Variants in CD48 observed in about 807,000 individuals in gnomAD.
CD48 encodes CD48 molecule, also known as CD48 antigen.
A neutral mutation model predicts 22.0 loss-of-function variants in CD48; 20 were observed. The observed-to-expected ratio is 0.91, with a 90% CI of 0.64 to 1.32. CD48 has a LOEUF of 1.32. CD48 is among the 40% of genes most tolerant of loss of function. The pLI is 0.00. For missense variants in CD48, 307 were observed against 286.5 expected (o/e 1.07, Z -0.52); for synonymous variants, 110 against 110.1 (o/e 1.00, Z 0.01).
intron 1 of CD48, among the ~76,000 whole-genome samples, chr1:160,694,793 C>T (rs994307811): frequency 1.3e-5 from 2 of 152,024 alleles, no homozygotes; most frequent in African/African-American, 4.8e-5. Context: ...AAACCCATAC[C>T]GTTAACTTGG....
At chr1:160,690,922 C>A (rs963511873) in intron 1 of CD48, among the ~76,000 whole-genome samples, 1 of 152,176 alleles carries the variant, frequency 6.6e-6, no homozygotes, top group Non-Finnish European at 1.5e-5. Context: ...TTACCCCCAA[C>A]CCCGTGCTCT....
chr1:160,699,788 T>C (rs1002028118), intron 1 of CD48: 1 of 151,850 alleles, frequency 6.6e-6, no homozygotes, highest in Non-Finnish European at 1.5e-5. Context: ...CTCCCCACTA[T>C]TGTCTTGTGA....
chr1:160,711,690 C>G lies in CD48; in HGVS notation c.74G>C (p.Ser25Thr). The change falls in exon 1 of 4, where the codon AGC (serine) becomes ACC (threonine). Residue 25 changes from serine (S) to threonine (T), a missense_variant. Coordinates refer to ENST00000368046, the MANE Select transcript of CD48 (RefSeq NM_001778.4). ...CAGTTGGTGGAAAGTACCTTGAATGCTGGTCACCAGGAGTGACAGAGGCAG... is the reference window on the plus strand; with the variant it reads ...CAGTTGGTGGAAAGTACCTTGAATGGTGGTCACCAGGAGTGACAGAGGCAG... Reference protein sequence around the residue: ...LLLPLSLLVTSIQGHLVHMTV... With the variant: ...LLLPLSLLVTTIQGHLVHMTV... 1 of 1,609,896 alleles carries G rather than the reference C, an allele frequency of 6.2e-7. No individual in the cohort carries two copies. Among genetic ancestry groups the G allele is most frequent in the South Asian group, 1.1e-5 (1 of 91,006 alleles).
At chr1:160,702,764 C>A (rs966496515) in intron 1 of CD48, among the ~76,000 whole-genome samples, 4 of 152,114 alleles carry the variant, frequency 2.6e-5, no homozygotes, top group African/African-American at 9.7e-5. Context: ...GTATCTGATC[C>A]AATGCCTTCA....
chr1:160,681,693 C>T (rs1434152023), intron 2 of CD48, among the ~76,000 whole-genome samples: 2 of 152,146 alleles, frequency 1.3e-5, no homozygotes, highest in African/African-American at 2.4e-5. Context: ...AAGCTGCGTC[C>T]TGGAGGGGGC....
At chr1:160,681,800 A>T (rs1396675056) in intron 2 of CD48, among the ~76,000 whole-genome samples, 2 of 152,196 alleles carry the variant, frequency 1.3e-5, no homozygotes, top group African/African-American at 4.8e-5. Context: ...CAGACTTAGT[A>T]TATCAACTGC....
intron 2 of CD48, among the ~76,000 whole-genome samples, chr1:160,681,755 G>T (rs1661813186): frequency 6.6e-6 from 1 of 152,192 alleles, no homozygotes; most frequent in Admixed American, 6.5e-5. Flanking sequence ...GATCGTGTGT[G>T]AGCCTGAACG....
intron 1 of CD48, among the ~76,000 whole-genome samples, chr1:160,689,550 GA>G (rs751499336): frequency 1.3e-5 from 2 of 152,176 alleles, no homozygotes; most frequent in African/African-American, 2.4e-5. Context: ...GAAATGGTGA[GA>G]TTTTTAGGTT....
intron 3 of CD48, among the ~76,000 whole-genome samples, chr1:160,679,735 A>G (rs1661728388): frequency 1.3e-5 from 2 of 152,210 alleles, no homozygotes; most frequent in Non-Finnish European, 2.9e-5. Flanking sequence ...CTAAAAAGTG[A>G]CAGATGGGTT....
intron 1 of CD48, among the ~76,000 whole-genome samples, chr1:160,692,755 A>G (rs1232851527): frequency 6.6e-6 from 1 of 152,224 alleles, no homozygotes; most frequent in Non-Finnish European, 1.5e-5. Context: ...AACCGATGCC[A>G]CCTGGAGAAG....
chr1:160,691,690 C>G (rs561436077), intron 1 of CD48: 1 of 278,366 alleles, frequency 3.6e-6, no homozygotes, highest in African/African-American at 2.2e-5. Flanking sequence ...TTTTTCTTTT[C>G]CAAGTCTCTC....
Position 160,711,786 on chromosome 1 carries a change from C to T in CD48, c.-23G>A. ...CATGCTTCCTTCCAGAACTTCCCAG[C>T]AACGCAGGAGACAGTTGAGAGCCTG... On this transcript the variant is annotated 5_prime_UTR_variant, in exon 1 of 4. Transcript: ENST00000368046. 6.3e-7 allele frequency: 1 copy of T among 1,579,920 alleles called. No homozygotes were observed. Among genetic ancestry groups the T allele is most frequent in the Non-Finnish European group, 8.7e-7 (1 of 1,152,226 alleles).
In CD48 at chr1:160,685,093, TAAA is replaced by T. The variant is rs757277612; in HGVS notation, c.176_178del (p.Phe59del). ...TTCTACAATCTTCTGGTCGAAAGTA[TAAA>T]ACCAGGTTAGTTGTTTGTAGTTCTC... On this transcript the variant is annotated inframe_deletion, in exon 2 of 4. Coordinates refer to ENST00000368046, the MANE Select transcript of CD48 (RefSeq NM_001778.4). 3.4e-5 allele frequency: 55 copies of T among 1,614,064 alleles called. No homozygotes were observed. The highest frequency in any genetic ancestry group is 1.0e-5 in the Non-Finnish European group (12 of 1,180,006).
At chr1:160,690,489 G>A (rs537634484) in intron 1 of CD48, among the ~76,000 whole-genome samples, 1 of 152,290 alleles carries the variant, frequency 6.6e-6, no homozygotes, top group East Asian at 1.9e-4. Context: ...CTGTTTCTAG[G>A]TAAGAGCAAA....
In CD48 at chr1:160,711,716, C is replaced by T. The variant is rs1571078812; in HGVS notation, c.48G>A (p.Leu16=). The change falls in exon 1 of 4, where the codon CTG becomes CTA. Residue 16 remains leucine (L), a synonymous_variant. Coordinates refer to ENST00000368046, the MANE Select transcript of CD48 (RefSeq NM_001778.4). The stretch of plus-strand genomic sequence containing the variant: ...TGGTCACCAGGAGTGACAGAGGCAG[C>T]AGTAGCAATTCCAGAGCCAGACACG... ...WDSCLALELL[L]LPLSLLVTSI... is the part of the protein sequence containing the mutation. 1 of 1,613,730 alleles carries T rather than the reference C, an allele frequency of 6.2e-7. No individual in the cohort carries two copies. The highest frequency in any genetic ancestry group is 1.1e-5 in the South Asian group (1 of 91,074).
chr1:160,691,089 C>T (rs539437695), intron 1 of CD48, among the ~76,000 whole-genome samples: 3 of 152,316 alleles, frequency 2.0e-5, no homozygotes, highest in Admixed American at 2.0e-4. Flanking sequence ...CGGAAGCCTG[C>T]AGGGGCCTCT....
At chr1:160,695,834 T>C (rs1233584740) in intron 1 of CD48, among the ~76,000 whole-genome samples, 5 of 152,148 alleles carry the variant, frequency 3.3e-5, no homozygotes, top group Non-Finnish European at 7.3e-5. Context: ...GTTAAGACTT[T>C]TACATTGTAC....
chr1:160,706,341 T>C (rs1273764368), intron 1 of CD48, among the ~76,000 whole-genome samples: 1 of 152,196 alleles, frequency 6.6e-6, no homozygotes, highest in Non-Finnish European at 1.5e-5. Flanking sequence ...CCCAAAGTGC[T>C]GGGATTACAG....
intron 3 of CD48, 42 bp downstream of exon 3, chr1:160,681,158 CCA>C: frequency 1.9e-6 from 3 of 1,613,948 alleles, no homozygotes; most frequent in Non-Finnish European, 2.5e-6. Context: ...CAAAACAACT[CCA>C]GTTACCCTGT....
Sources: allele counts gnomAD v4.1 joint callset (sites outside exome capture counted in the v4.1 genomes callset), GRCh38; gene constraint gnomAD v4.1.1; transcripts MANE v1.5; gene names NCBI Gene and HGNC (gene_info 2026-07-23, HGNC 2026-07-21).